The following ADD3 variants were observed in gnomAD, a reference collection of about 807,000 sequenced individuals.
ADD3 encodes the protein adducin 3.
A neutral mutation model predicts 80.2 loss-of-function variants in ADD3; 25 were observed. That is an observed-to-expected ratio of 0.31 (90% CI 0.23 to 0.44). ADD3 has a LOEUF of 0.44. ADD3 is among the 20% of genes least tolerant of loss of function. The pLI, the probability that ADD3 is intolerant of heterozygous loss-of-function variation, is 1.00. For synonymous variants in ADD3, 284 were observed against 289.6 expected (o/e 0.98, Z 0.20); for missense variants, 829 against 847.5 (o/e 0.98, Z 0.27).
At chr10:109,999,147 C>G (rs7921169) in intron 1 of ADD3, among the ~76,000 whole-genome samples, 1 of 152,056 alleles carries the variant, frequency 6.6e-6, no homozygotes, top group Non-Finnish European at 1.5e-5. Flanking sequence ...AGTAAATGAA[C>G]GCTGGGTGTT....
chr10:110,067,830 G>A (rs1051525178), intron 1 of ADD3, among the ~76,000 whole-genome samples: 2 of 151,946 alleles, frequency 1.3e-5, no homozygotes, highest in African/African-American at 4.8e-5. Context: ...GGTATACATC[G>A]CTTTTCTAAA....
At chr10:110,083,971 G>A (rs1355448530) in intron 1 of ADD3, among the ~76,000 whole-genome samples, 1 of 152,182 alleles carries the variant, frequency 6.6e-6, no homozygotes, top group Non-Finnish European at 1.5e-5. Context: ...GCTCCTCATA[G>A]ATAGCTTTTT....
In ADD3 at chr10:110,100,769, G is replaced by C; in HGVS notation, c.116G>C (p.Arg39Thr). 6.2e-7 allele frequency: 1 copy of C among 1,613,878 alleles called. No homozygotes were observed. The highest frequency in any genetic ancestry group is 8.5e-7 in the Non-Finnish European group (1 of 1,179,898). ...AATGACCCAGAATACATTAGGGAGA[G>C]GAACATGTCTCCTGATCTACGACAA... ...NENDPEYIRE[R>T]NMSPDLRQDF... The change falls in exon 2 of 15, where the codon AGG becomes ACG. Residue 39 changes from arginine (R) to threonine (T), a missense_variant. Physicochemically the swap from Arg to Thr is moderately conservative, Grantham distance 71. Coordinates refer to ENST00000356080, the MANE Select transcript of ADD3 (RefSeq NM_016824.5).
chr10:110,090,894 C>G (rs1847418296), intron 1 of ADD3, among the ~76,000 whole-genome samples: 1 of 151,114 alleles, frequency 6.6e-6, no homozygotes, highest in African/African-American at 2.4e-5. Context: ...AGGCTCAGTC[C>G]TAACTTTTAC....
chr10:110,100,676 G>A lies in ADD3; in HGVS notation c.23G>A (p.Gly8Asp), dbSNP rs777166861. The A allele has an allele frequency of 8.1e-6, 13 of 1,610,840 alleles. No individual in the cohort carries two copies. In the Admixed American group the frequency reaches 2.2e-4, roughly 27 times the overall value. The stretch of plus-strand genomic sequence containing the variant: ...AACATGAGCTCAGATGCCAGCCAAG[G>A]CGTGATTACCACTCCTCCTCCTCCC... The part of the protein sequence containing the change: MSSDASQ[G>D]VITTPPPPSM... The change falls in exon 2 of 15, where the codon GGC becomes GAC. Residue 8 changes from glycine (G) to aspartate (D), a missense_variant. By Grantham distance (94) the Gly-to-Asp change is moderately conservative (BLOSUM62 -1). Transcript: ENST00000356080.
At chr10:110,101,790 T>A (rs1848840597) in intron 2 of ADD3, among the ~76,000 whole-genome samples, 1 of 152,194 alleles carries the variant, frequency 6.6e-6, no homozygotes, top group Non-Finnish European at 1.5e-5. Flanking sequence ...ACAGCTTGAT[T>A]TAAAATGCAA....
intron 12 of ADD3, among the ~76,000 whole-genome samples, chr10:110,129,202 C>T (rs1348467514): frequency 2.0e-5 from 3 of 147,212 alleles, no homozygotes; most frequent in Non-Finnish European, 4.5e-5. Context: ...CAGGCTGGAG[C>T]GCAATGGCGT....
intron 1 of ADD3, among the ~76,000 whole-genome samples, chr10:109,999,653 C>T (rs1247238931): frequency 6.6e-6 from 1 of 152,178 alleles, no homozygotes; most frequent in Non-Finnish European, 1.5e-5. Context: ...GTAGTATAAA[C>T]TTCAAGCATA....
chr10:110,046,190 G>A (rs1856887180), intron 1 of ADD3, among the ~76,000 whole-genome samples: 1 of 152,152 alleles, frequency 6.6e-6, no homozygotes, highest in African/African-American at 2.4e-5. Flanking sequence ...GATTCGTCTT[G>A]TAAACAGATG....
chr10:110,067,228 C>A (rs113281884), intron 1 of ADD3, among the ~76,000 whole-genome samples: 1,648 of 152,230 alleles, frequency 0.011, 39 homozygotes, highest in African/African-American at 0.038. Context: ...GTAGTAAAGG[C>A]AGTAACTGTT....
intron 1 of ADD3, among the ~76,000 whole-genome samples, chr10:110,025,497 A>G (rs1401418861): frequency 6.6e-6 from 1 of 152,208 alleles, no homozygotes; most frequent in Non-Finnish European, 1.5e-5. Flanking sequence ...AGATGCTAAA[A>G]TTATGCCTTT....
At chr10:110,051,310 C>T (rs1283017275) in intron 1 of ADD3, among the ~76,000 whole-genome samples, 3 of 152,216 alleles carry the variant, frequency 2.0e-5, no homozygotes, top group Admixed American at 2.0e-4. Context: ...TTGAACTTTA[C>T]CAAAATTTAA....
chr10:110,032,372 C>G (rs1855147419), intron 1 of ADD3, among the ~76,000 whole-genome samples: 1 of 152,116 alleles, frequency 6.6e-6, no homozygotes, highest in South Asian at 2.1e-4. Flanking sequence ...CCTGCATTCA[C>G]TCATCCACTT....
intron 1 of ADD3, among the ~76,000 whole-genome samples, chr10:110,045,072 T>C (rs1431941812): frequency 6.6e-6 from 1 of 152,192 alleles, no homozygotes; most frequent in Non-Finnish European, 1.5e-5. Flanking sequence ...GTAAAGTACC[T>C]GGCTGGGCGT....
At chr10:110,042,541 T>A (rs567772348) in intron 1 of ADD3, among the ~76,000 whole-genome samples, 1 of 152,146 alleles carries the variant, frequency 6.6e-6, no homozygotes, top group Non-Finnish European at 1.5e-5. Context: ...TAAAATAAAT[T>A]TATTTCAATT....
intron 1 of ADD3, among the ~76,000 whole-genome samples, chr10:110,058,460 G>T (rs1037423329): frequency 9.9e-5 from 15 of 152,020 alleles, no homozygotes; most frequent in African/African-American, 3.6e-4. Context: ...TTTCTAATGT[G>T]TACCATCTGA....
chr10:110,010,823 T>C (rs1257479567), intron 1 of ADD3, among the ~76,000 whole-genome samples: 2 of 152,194 alleles, frequency 1.3e-5, no homozygotes, highest in African/African-American at 4.8e-5. Context: ...GCTATTGAGC[T>C]CATGGTAATT....
intron 1 of ADD3, among the ~76,000 whole-genome samples, chr10:110,062,046 A>G (rs1339754326): frequency 6.6e-6 from 1 of 151,462 alleles, no homozygotes. Flanking sequence ...GGGCAACAGG[A>G]GGACACCCCA....
intron 1 of ADD3, among the ~76,000 whole-genome samples, chr10:110,078,265 C>T (rs1202027747): frequency 6.6e-6 from 1 of 152,134 alleles, no homozygotes; most frequent in East Asian, 1.9e-4. Flanking sequence ...TTTACCTGTA[C>T]AGTTAGGAAT....
Sources: gnomAD v4.1 joint callset for allele counts (sites outside exome capture counted in the v4.1 genomes callset) on GRCh38, gnomAD v4.1.1 for gene constraint, MANE v1.5 for transcripts, NCBI Gene and HGNC (gene_info 2026-07-23, HGNC 2026-07-21) for gene names.